The following TMEM232 variants were observed in gnomAD, a reference collection of about 807,000 sequenced individuals.
The protein encoded by TMEM232 is transmembrane protein 232.
TMEM232 carries 80 observed loss-of-function variants against 78.8 expected under a neutral mutation model. That is an observed-to-expected ratio of 1.01 (90% CI 0.85 to 1.22). The LOEUF (loss-of-function observed/expected upper bound fraction) is 1.22. Among genes scored for constraint, TMEM232 ranks in the 50% most tolerant of loss-of-function variants. TMEM232 has a pLI of 0.00. For synonymous variants in TMEM232, 297 were observed against 254.3 expected (o/e 1.17, Z -1.60); for missense variants, 881 against 742.2 (o/e 1.19, Z -2.17).
chr5:110,454,070 T>A (rs1049877112), intron 12 of TMEM232, among the ~76,000 whole-genome samples: 1 of 152,164 alleles, frequency 6.6e-6, no homozygotes, highest in Non-Finnish European at 1.5e-5. Context: ...ACTTGGGTAG[T>A]TCAACAATCC....
intron 2 of TMEM232, among the ~76,000 whole-genome samples, chr5:110,663,347 T>C (rs1408243119): frequency 2.0e-5 from 3 of 151,952 alleles, no homozygotes; most frequent in African/African-American, 7.2e-5. Flanking sequence ...GAATTTATAA[T>C]AAATATTTAA....
At chr5:110,539,922 C>T (rs565995155) in intron 11 of TMEM232, among the ~76,000 whole-genome samples, 40 of 152,230 alleles carry the variant, frequency 2.6e-4, no homozygotes, top group African/African-American at 9.1e-4. Context: ...CCTCCCCATA[C>T]CAAGCAACAG....
At chr5:110,662,474 C>A (rs1449098422) in intron 2 of TMEM232, among the ~76,000 whole-genome samples, 4 of 152,030 alleles carry the variant, frequency 2.6e-5, no homozygotes, top group African/African-American at 9.7e-5. Context: ...ATTAAAAACT[C>A]CCTTTAATTT....
intron 12 of TMEM232, among the ~76,000 whole-genome samples, chr5:110,455,842 A>C (rs973689714): frequency 9.9e-5 from 15 of 152,256 alleles, no homozygotes; most frequent in Non-Finnish European, 1.5e-4. Context: ...CTAAAAAAGA[A>C]AAACCGTTAT....
chr5:110,513,700 T>C (rs1329058210), intron 12 of TMEM232: 1 of 159,046 alleles, frequency 6.3e-6, no homozygotes, highest in Non-Finnish European at 1.5e-5. Context: ...TAAGTGTTGA[T>C]GGGGATATGG....
intron 8 of TMEM232, among the ~76,000 whole-genome samples, chr5:110,609,407 A>G (rs971482166): frequency 1.3e-5 from 2 of 152,096 alleles, no homozygotes; most frequent in Admixed American, 6.6e-5. Flanking sequence ...AAAAATAATA[A>G]TCTCTACTGT....
chr5:110,637,174 T>A lies in TMEM232; in HGVS notation c.501+1024A>T, dbSNP rs1476678140. Among the ~76,000 whole-genome samples the A allele has an allele frequency of 3.3e-5, 5 of 150,976 alleles. No individual in the cohort carries two copies. In the South Asian group the frequency reaches 6.2e-4, roughly 19 times the overall value. ...TGTTTTCATTATAAATATAAATACA[T>A]ATTTTAGTGGACAGTTTTGGAAATA... On this transcript the variant is annotated intron_variant, in intron 5 of 13. Transcript: ENST00000455884.
At chr5:110,602,237 C>G (rs1391308301) in intron 10 of TMEM232, among the ~76,000 whole-genome samples, 2 of 152,090 alleles carry the variant, frequency 1.3e-5, no homozygotes, top group African/African-American at 4.8e-5. Context: ...CAGGCATGGG[C>G]AAAGACTTCA....
intron 1 of TMEM232, 63 bp from the exon 2 acceptor site, chr5:110,667,427 A>T: frequency 7.9e-7 from 1 of 1,264,440 alleles, no homozygotes; most frequent in Non-Finnish European, 1.0e-6. Context: ...ACAACATGTT[A>T]TGCAAATTCA....
intron 10 of TMEM232, among the ~76,000 whole-genome samples, chr5:110,587,739 C>G (rs971107553): frequency 1.1e-4 from 8 of 72,382 alleles, no homozygotes; most frequent in Non-Finnish European, 2.2e-4. Flanking sequence ...GTGTGTGTGT[C>G]AAACTTGTCA....
intron 11 of TMEM232, among the ~76,000 whole-genome samples, chr5:110,550,172 C>CA (rs1183741371): frequency 6.6e-6 from 1 of 152,054 alleles, no homozygotes; most frequent in Non-Finnish European, 1.5e-5. Context: ...ATATAGTTTA[C>CA]AACAGTAACA....
chr5:110,689,393 T>C (rs1436326574), intron 1 of TMEM232, among the ~76,000 whole-genome samples: 2 of 151,342 alleles, frequency 1.3e-5, no homozygotes, highest in Non-Finnish European at 2.9e-5. Context: ...AATTTAAAAA[T>C]TGGCAATTTT....
At chr5:110,650,264 T>A (rs1338728426) in intron 2 of TMEM232, among the ~76,000 whole-genome samples, 1 of 152,094 alleles carries the variant, frequency 6.6e-6, no homozygotes, top group Non-Finnish European at 1.5e-5. Flanking sequence ...TCCAATAGTA[T>A]ACAAACAGAA....
intron 12 of TMEM232, among the ~76,000 whole-genome samples, chr5:110,503,490 C>A (rs891217938): frequency 4.6e-5 from 7 of 151,998 alleles, no homozygotes; most frequent in Non-Finnish European, 8.8e-5. Context: ...TAGATAGTTG[C>A]ATACCTGAGT....
At chr5:110,413,459 G>A (rs1415879178) in intron 2 of TMEM232, among the ~76,000 whole-genome samples, 3 of 152,066 alleles carry the variant, frequency 2.0e-5, no homozygotes, top group Non-Finnish European at 4.4e-5. Context: ...CCTTCTGATC[G>A]TGTGAGTCAA....
intron 10 of TMEM232, among the ~76,000 whole-genome samples, chr5:110,596,895 C>A (rs1384370714): frequency 6.6e-6 from 1 of 152,128 alleles, no homozygotes; most frequent in Non-Finnish European, 1.5e-5. Flanking sequence ...ATGACAAACC[C>A]ACAGCCAATA....
chr5:110,624,042 T>C (rs1425794936), intron 7 of TMEM232, among the ~76,000 whole-genome samples: 2 of 152,128 alleles, frequency 1.3e-5, no homozygotes, highest in Admixed American at 6.6e-5. Context: ...ACAAAATGGA[T>C]TCATTCTTAA....
At chr5:110,715,130 A>G (rs1796885928) in intron 1 of TMEM232, among the ~76,000 whole-genome samples, 2 of 152,182 alleles carry the variant, frequency 1.3e-5, no homozygotes, top group African/African-American at 4.8e-5. Flanking sequence ...ATTTGAAAGT[A>G]GCTAAAAATA....
intron 11 of TMEM232, among the ~76,000 whole-genome samples, chr5:110,550,281 A>G (rs1393322311): frequency 6.6e-6 from 1 of 152,162 alleles, no homozygotes; most frequent in East Asian, 1.9e-4. Context: ...TTAAACTTGG[A>G]AAAATTGAGT....
Sources: gnomAD v4.1 joint callset for allele counts (sites outside exome capture counted in the v4.1 genomes callset) on GRCh38, gnomAD v4.1.1 for gene constraint, MANE v1.5 for transcripts, NCBI Gene and HGNC (gene_info 2026-07-23, HGNC 2026-07-21) for gene names.